GRB10: variants seen among roughly 807,000 people sequenced by gnomAD.
GRB10 encodes the protein growth factor receptor bound protein 10.
In GRB10, 20 loss-of-function variants were observed where a neutral mutation model predicts 80.9. The ratio of observed to expected loss-of-function variants is 0.25; its 90% CI spans 0.17 to 0.36. The LOEUF is 0.36. Among genes scored for constraint, GRB10 ranks in the 10% least tolerant of loss-of-function variants. The pLI is 1.00. For synonymous variants in GRB10, 291 were observed against 291.5 expected, an observed-to-expected ratio of 1.00 and a Z score of 0.02; for missense variants, 548 against 747.7, an observed-to-expected ratio of 0.73 and a Z score of 3.12.
At chr7:50,676,393 T>C (rs904929924) in intron 5 of GRB10, among the ~76,000 whole-genome samples, 3 of 151,188 alleles carry the variant, frequency 2.0e-5, no homozygotes, top group Non-Finnish European at 4.4e-5. Flanking sequence ...ATAACACAGC[T>C]TGGCACACAG....
chr7:50,612,642 A>G (rs756374675), intron 13 of GRB10, 99 bp downstream of exon 13: 203 of 776,658 alleles, frequency 2.6e-4, no homozygotes, highest in South Asian at 6.3e-4. Context: ...AACAGCGGAA[A>G]AGTTACGAGC....
Position 50,712,024 on chromosome 7 carries a change from T to C in GRB10, c.52-8116A>G, listed in dbSNP as rs549682518. Among the ~76,000 whole-genome samples the C allele has an allele frequency of 8.9e-4, 136 of 152,124 alleles. 1 individual carries two copies. In the South Asian group the frequency reaches 0.027, roughly 30 times the overall value. On this transcript the variant is annotated intron_variant, in intron 4 of 18. Coordinates refer to ENST00000401949, the MANE Select transcript of GRB10 (RefSeq NM_001350814.2). ...GAACATGTCCTTAACAACCGAGCTATGGGTAACTACAAAATCTGTCACTCA... is the reference window on the plus strand; with the variant it reads ...GAACATGTCCTTAACAACCGAGCTACGGGTAACTACAAAATCTGTCACTCA...
chr7:50,596,937 A>C (rs2046761277), intron 17 of GRB10, among the ~76,000 whole-genome samples: 1 of 152,238 alleles, frequency 6.6e-6, no homozygotes, highest in South Asian at 2.1e-4. Flanking sequence ...TACATCAGAA[A>C]GCGAAGAAAG....
chr7:50,592,921 C>T lies in GRB10; in HGVS notation c.*31G>A. 1 of 1,613,320 alleles carries T rather than the reference C, an allele frequency of 6.2e-7. No homozygotes were observed. Among genetic ancestry groups the T allele is most frequent in the Non-Finnish European group, 8.5e-7 (1 of 1,179,322 alleles). ...GCTTCTTCACTCCAGTGTTCACTTC[C>T]TCCAGTCTTCAGCCGAGAGGACATC... On this transcript the variant is annotated 3_prime_UTR_variant, in exon 19 of 19. Transcript: ENST00000401949.
At chr7:50,714,241 A>G (rs1337212109) in intron 4 of GRB10, among the ~76,000 whole-genome samples, 1 of 152,272 alleles carries the variant, frequency 6.6e-6, no homozygotes, top group African/African-American at 2.4e-5. Flanking sequence ...GTAACTTAAC[A>G]GTCTGAGAAA....
At chr7:50,765,012 CAT>C (rs1213262682) in intron 2 of GRB10, among the ~76,000 whole-genome samples, 2 of 152,148 alleles carry the variant, frequency 1.3e-5, no homozygotes, top group African/African-American at 2.4e-5. Flanking sequence ...ATGGGCAAAA[CAT>C]GTGAACAGAC....
chr7:50,741,790 T>C (rs1340885633), intron 3 of GRB10, among the ~76,000 whole-genome samples: 1 of 151,992 alleles, frequency 6.6e-6, no homozygotes, highest in African/African-American at 2.4e-5. Flanking sequence ...CCATCCATCT[T>C]GAACCAGAAA....
intron 8 of GRB10, among the ~76,000 whole-genome samples, chr7:50,621,933 TAA>T (rs909031027): frequency 2.0e-5 from 3 of 152,212 alleles, no homozygotes; most frequent in African/African-American, 7.2e-5. Flanking sequence ...CCCTTGCAGC[TAA>T]AGTGTGACTC....
At chr7:50,758,185 C>T (rs2075318753) in intron 2 of GRB10, among the ~76,000 whole-genome samples, 1 of 152,202 alleles carries the variant, frequency 6.6e-6, no homozygotes, top group Non-Finnish European at 1.5e-5. Flanking sequence ...CACAACCTCT[C>T]GGCTCTGTTT....
chr7:50,698,517 G>C (rs2063734482), intron 5 of GRB10, among the ~76,000 whole-genome samples: 1 of 152,166 alleles, frequency 6.6e-6, no homozygotes, highest in Non-Finnish European at 1.5e-5. Flanking sequence ...ATACGCAGCA[G>C]GGTTCCATTC....
chr7:50,736,878 CA>C (rs1261499554), intron 3 of GRB10, among the ~76,000 whole-genome samples: 4 of 152,080 alleles, frequency 2.6e-5, no homozygotes, highest in South Asian at 2.1e-4. Flanking sequence ...ACACCATAAG[CA>C]AAAAGCAACT....
chr7:50,717,825 G>A (rs1016931984), intron 4 of GRB10, among the ~76,000 whole-genome samples: 22 of 152,216 alleles, frequency 1.4e-4, no homozygotes, highest in African/African-American at 4.8e-4. Context: ...ATTGAGGAGC[G>A]ATGGTCAGAT....
Position 50,616,248 on chromosome 7 carries a change from T to G in GRB10, c.946A>C (p.Arg316=). ...TTGGTGGAGCAATAAAGGCCAGATC[T>G]CCGCAAACACACATACAGCTTTTTC... The part of the protein sequence containing the change: ...SWKKLYVCLR[R]SGLYCSTKGT... Residue 316 remains arginine (R), a synonymous_variant, in exon 11 of 19, where the codon AGA becomes CGA. Coordinates refer to ENST00000401949, the MANE Select transcript of GRB10 (RefSeq NM_001350814.2). 1.2e-6 allele frequency: 2 copies of G among 1,614,200 alleles called. No individual in the cohort carries two copies. The highest frequency in any genetic ancestry group is 3.3e-5 in the Admixed American group (2 of 60,030).
chr7:50,732,980 A>C (rs1268486315), intron 3 of GRB10, among the ~76,000 whole-genome samples: 1 of 152,154 alleles, frequency 6.6e-6, no homozygotes, highest in Admixed American at 6.5e-5. Flanking sequence ...AAAAATCAAG[A>C]CAAGACCCTG....
At chr7:50,720,520 G>A (rs1440969075) in intron 4 of GRB10, among the ~76,000 whole-genome samples, 1 of 152,154 alleles carries the variant, frequency 6.6e-6, no homozygotes, top group East Asian at 1.9e-4. Flanking sequence ...AGAGAGCAGA[G>A]GACAGGCACA....
chr7:50,689,127 G>A (rs1003308877), intron 5 of GRB10, among the ~76,000 whole-genome samples: 2 of 152,070 alleles, frequency 1.3e-5, no homozygotes, highest in East Asian at 1.9e-4. Flanking sequence ...GGAGTGCCCC[G>A]TCCGCTCCAA....
At position 50,592,752 on chromosome 7, in the gene GRB10, G is replaced by T; in HGVS notation, c.*200C>A. ...CCCAATTTGGCCGATGCAGAGGGAG[G>T]CGACCCTGCTGGGTTCACAGCAGCA... On this transcript the variant is annotated 3_prime_UTR_variant, in exon 19 of 19. Coordinates refer to ENST00000401949, the MANE Select transcript of GRB10 (RefSeq NM_001350814.2). The T allele has an allele frequency of 1.6e-6, 1 of 627,672 alleles. No homozygotes were observed. Among genetic ancestry groups the T allele is most frequent in the Non-Finnish European group, 2.8e-6 (1 of 356,044 alleles). The allele number at this position is 627,672 out of a possible 1,614,324, so 38.9% of individuals were successfully genotyped here. A position where few individuals can be genotyped will look rare whatever the true frequency, so the allele number is the denominator to read the frequency against.
intron 7 of GRB10, among the ~76,000 whole-genome samples, chr7:50,666,652 A>C (rs2153633816): frequency 6.6e-6 from 1 of 152,294 alleles, no homozygotes; most frequent in African/African-American, 2.4e-5. Context: ...CCAGGTCCAC[A>C]TCATGGTAGT....
At chr7:50,765,517 C>T (rs2153706846) in intron 2 of GRB10, among the ~76,000 whole-genome samples, 2 of 152,302 alleles carry the variant, frequency 1.3e-5, no homozygotes, top group South Asian at 4.1e-4. Flanking sequence ...TTTGCAACAG[C>T]ATGCATTAAC....
Sources: gnomAD v4.1 joint callset for allele counts (sites outside exome capture counted in the v4.1 genomes callset) on GRCh38, gnomAD v4.1.1 for gene constraint, MANE v1.5 for transcripts, NCBI Gene and HGNC (gene_info 2026-07-23, HGNC 2026-07-21) for gene names.